The following KIF1B variants were observed in gnomAD, a reference collection of about 807,000 sequenced individuals.
KIF1B encodes kinesin family member 1B, also known as kinesin-like protein KIF1B.
Under a neutral mutation model 241.9 loss-of-function variants are expected in KIF1B, and 76 were observed. The ratio of observed to expected loss-of-function variants is 0.31; its 90% CI spans 0.26 to 0.38. The LOEUF (loss-of-function observed/expected upper bound fraction) is 0.38, where lower values mean the gene tolerates loss of function less well. KIF1B is among the 10% of genes least tolerant of loss of function. The pLI is 1.00. For missense variants in KIF1B, 1,622 were observed against 2,271.4 expected (o/e 0.71, Z 5.81); for synonymous variants, 750 against 796.7 (o/e 0.94, Z 0.99).
Position 10,337,312 on chromosome 1 carries a change from C to T in KIF1B, c.3260-59C>T. On this transcript the variant is annotated intron_variant, in intron 30 of 48. Transcript: ENST00000676179. The surrounding 1 kb of genome is among the most constrained non-coding windows in gnomAD (Gnocchi z 4.0). ...CATCAACTAGGAATGGAAAGCATGC[C>T]CAACTCCCTCCTCTTTGCATTATTT... The T allele has an allele frequency of 1.2e-6, 2 of 1,612,336 alleles. No homozygotes were observed. Among genetic ancestry groups the T allele is most frequent in the South Asian group, 1.1e-5 (1 of 91,004 alleles).
intron 10 of KIF1B, among the ~76,000 whole-genome samples, chr1:10,273,934 CTTTT>C (rs35845856): frequency 8.6e-6 from 1 of 116,784 alleles, no homozygotes; most frequent in African/African-American, 3.2e-5. Context: ...TTAGTAGCTT[CTTTT>C]TTTTTTTTTT....
At chr1:10,323,841 C>T (rs112884784) in intron 24 of KIF1B, 43 bp from the exon 25 acceptor site, 2 of 1,540,564 alleles carry the variant, frequency 1.3e-6, no homozygotes, top group Non-Finnish European at 9.0e-7. Flanking sequence ...CTGAAGCTTG[C>T]TTGCTGAAAA....
chr1:10,254,144 G>A lies in KIF1B; in HGVS notation c.107-2103G>A, dbSNP rs1481114694. ...TGAGGAGCTAAAGCTTTGTGTGTAT[G>A]AGTGAGGGAGAAAGATTAAGCTTTA... On this transcript the variant is annotated intron_variant, in intron 2 of 48. Coordinates refer to ENST00000676179, the MANE Select transcript of KIF1B (RefSeq NM_001365951.3). Among the ~76,000 whole-genome samples the A allele has an allele frequency of 2.0e-5, 3 of 152,244 alleles. No homozygotes were observed. The East Asian group carries it at 5.8e-4, about 29-fold the overall frequency.
At chr1:10,366,180 G>A (rs530768202) in intron 43 of KIF1B, among the ~76,000 whole-genome samples, 15 of 152,112 alleles carry the variant, frequency 9.9e-5, no homozygotes, top group South Asian at 4.1e-4. Flanking sequence ...GCAGTGAGCC[G>A]AGATAGCTCC....
At chr1:10,269,595 G>A (rs1277554316) in intron 7 of KIF1B, among the ~76,000 whole-genome samples, 1 of 150,652 alleles carries the variant, frequency 6.6e-6, no homozygotes, top group Non-Finnish European at 1.5e-5. Flanking sequence ...TGAGGCGGGT[G>A]GATCACCTGA....
At chr1:10,309,307 T>G (rs1333981852) in intron 22 of KIF1B, among the ~76,000 whole-genome samples, 1 of 152,246 alleles carries the variant, frequency 6.6e-6, no homozygotes, top group African/African-American at 2.4e-5. Flanking sequence ...TCAGGTACTT[T>G]GTAATCCTTT....
chr1:10,345,551 G>C (rs1652557756), intron 34 of KIF1B: 1 of 376,846 alleles, frequency 2.7e-6, no homozygotes, highest in Middle Eastern at 8.5e-4. Flanking sequence ...TCTGGAATTG[G>C]AAGGTTTCAT....
intron 2 of KIF1B, 43 bp downstream of exon 2, chr1:10,232,477 C>T: frequency 2.2e-6 from 3 of 1,370,762 alleles, no homozygotes; most frequent in Non-Finnish European, 3.1e-6. Context: ...TCTTACTTTC[C>T]TTTCTTCTTT....
At chr1:10,245,027 G>A (rs1329158313) in intron 2 of KIF1B, among the ~76,000 whole-genome samples, 1 of 152,184 alleles carries the variant, frequency 6.6e-6, no homozygotes, top group Non-Finnish European at 1.5e-5. Flanking sequence ...TTAATATAAA[G>A]TTACAGTGTT....
chr1:10,212,914 AT>A (rs1646714887), intron 1 of KIF1B, among the ~76,000 whole-genome samples: 1 of 123,940 alleles, frequency 8.1e-6, no homozygotes, highest in Non-Finnish European at 1.6e-5. Flanking sequence ...ATATATATAT[AT>A]ATATATATAT....
rs764651787 is a variant in KIF1B, at chr1:10,256,296, C to T, written c.156C>T (p.Phe52=). The T allele has an allele frequency of 3.7e-5, 60 of 1,611,872 alleles. No individual in the cohort carries two copies. The highest frequency in any genetic ancestry group is 5.3e-5 in the African/African-American group (4 of 75,008). ...AGGAAGCTCCAAAGTCCTTCAGCTT[C>T]GACTATTCCTACTGGTCTCATACCT... ...NPKEAPKSFS[F]DYSYWSHTSP... is the part of the protein sequence containing the mutation. Residue 52 remains phenylalanine, a synonymous_variant, in exon 3 of 49, where the codon TTC becomes TTT. Coordinates refer to ENST00000676179, the MANE Select transcript of KIF1B (RefSeq NM_001365951.3).
intron 2 of KIF1B, among the ~76,000 whole-genome samples, chr1:10,235,831 C>T (rs1010340246): frequency 2.1e-5 from 3 of 142,588 alleles, no homozygotes; most frequent in African/African-American, 5.3e-5. Flanking sequence ...CACTGCACTC[C>T]GGCCTGGGCA....
rs2102301474 is a variant in KIF1B, at chr1:10,326,005, G to A, written c.2676-106G>A. 3 of 1,433,306 alleles carry A rather than the reference G, an allele frequency of 2.1e-6. No individual in the cohort carries two copies. The highest frequency in any genetic ancestry group is 2.9e-6 in the Non-Finnish European group (3 of 1,024,954). The allele number at this position is 1,433,306 out of a possible 1,614,324, so 88.8% of individuals were successfully genotyped here. A position where few individuals can be genotyped will look rare whatever the true frequency, so the allele number is the denominator to read the frequency against. On this transcript the variant is annotated intron_variant, in intron 26 of 48. Transcript: ENST00000676179. This position sits in a 1 kb window ranked among gnomAD's most constrained non-coding sequence, Gnocchi z 5.2. ...TTGCTTTTCCATTTGCTTTTATTGT[G>A]TTGATTCCCCAGTGGATTCTGTCCT...
At chr1:10,334,474 C>T (rs1189039909) in intron 27 of KIF1B, 46 bp from the exon 28 acceptor site, 7 of 1,391,870 alleles carry the variant, frequency 5.0e-6, no homozygotes, top group Non-Finnish European at 7.2e-6. Context: ...GCCAGTTTAT[C>T]TCTCCATGGA....
chr1:10,258,559 C>A lies in KIF1B; in HGVS notation c.250C>A (p.His84Asn). The A allele has an allele frequency of 1.9e-6, 3 of 1,614,142 alleles. No homozygotes were observed. The highest frequency in any genetic ancestry group is 2.5e-6 in the Non-Finnish European group (3 of 1,180,006). ...TGACATTGGCAAGGAAATGCTCTTA[C>A]ACGCCTTTGAGGGATATAATGTCTG... ...YNDIGKEMLL[H>N]AFEGYNVCIF... Residue 84 changes from histidine to asparagine, a missense_variant, in exon 4 of 49, where the codon CAC becomes AAC. His to Asn is a moderately conservative substitution (Grantham distance 68). Transcript: ENST00000676179.
intron 40 of KIF1B, among the ~76,000 whole-genome samples, chr1:10,362,961 A>G (rs1477106676): frequency 6.6e-6 from 1 of 152,148 alleles, no homozygotes; most frequent in Admixed American, 6.6e-5. Flanking sequence ...AGTCCCAACT[A>G]CTCAGGAGGC....
intron 38 of KIF1B, among the ~76,000 whole-genome samples, chr1:10,353,188 TAA>T (rs990339086): frequency 6.6e-6 from 1 of 152,200 alleles, no homozygotes. Flanking sequence ...CCTCTTGTGT[TAA>T]GTCTTTGCTG....
At chr1:10,375,110 T>C in intron 47 of KIF1B, 64 bp downstream of exon 47, 1 of 1,565,736 alleles carries the variant, frequency 6.4e-7, no homozygotes, top group South Asian at 1.1e-5. Flanking sequence ...ATTTCTGCAC[T>C]CTCTGTTACG....
At chr1:10,251,547 C>T (rs757836127) in intron 2 of KIF1B, among the ~76,000 whole-genome samples, 3 of 151,708 alleles carry the variant, frequency 2.0e-5, no homozygotes, top group Admixed American at 6.6e-5. Flanking sequence ...ACAGCCTGAC[C>T]AACATGGTGA....
Sources: allele counts gnomAD v4.1 joint callset (sites outside exome capture counted in the v4.1 genomes callset), GRCh38; gene constraint gnomAD v4.1.1; non-coding constraint Gnocchi (gnomAD v3.1); transcripts MANE v1.5; gene names NCBI Gene and HGNC (gene_info 2026-07-23, HGNC 2026-07-21).